TGFBRAP1: variants seen among roughly 807,000 people sequenced by gnomAD.
TGFBRAP1 encodes transforming growth factor beta receptor associated protein 1.
A neutral mutation model predicts 83.2 loss-of-function variants in TGFBRAP1; 20 were observed. The ratio of observed to expected loss-of-function variants is 0.24; its 90% CI spans 0.17 to 0.35. The LOEUF (loss-of-function observed/expected upper bound fraction) is 0.35. TGFBRAP1 is among the 10% of genes least tolerant of loss of function. The pLI, the probability that TGFBRAP1 is intolerant of heterozygous loss-of-function variation, is 1.00. For missense variants in TGFBRAP1, 950 were observed against 1,099.4 expected, an observed-to-expected ratio of 0.86 and a Z score of 1.92; for synonymous variants, 415 against 459.8, an observed-to-expected ratio of 0.90 and a Z score of 1.25.
At chr2:105,273,767 A>G (rs1558629474) in intron 8 of TGFBRAP1, 77 bp from the exon 9 acceptor site, 5 of 1,535,608 alleles carry the variant, frequency 3.3e-6, no homozygotes, top group Admixed American at 2.1e-5. Flanking sequence ...GTCATTGCAC[A>G]TTCAAGCTTT....
At chr2:105,258,314 A>C in the TGFBRAP1 span, among the ~76,000 whole-genome samples, 1 of 152,166 alleles carries the variant, frequency 6.6e-6, no homozygotes, top group South Asian at 2.1e-4. Flanking sequence ...TGCCCAGATT[A>C]AACATTCTTT....
At chr2:105,316,462 TGCGCGC>T (rs764527678) in intron 1 of TGFBRAP1, among the ~76,000 whole-genome samples, 10,057 of 83,654 alleles carry the variant, frequency 0.12, 519 homozygotes, top group Middle Eastern at 0.15. Flanking sequence ...TGTGTGTGTG[TGCGCGC>T]GCGCGCGCGC....
Position 105,308,318 on chromosome 2 carries a change from G to C in TGFBRAP1, c.-17C>G. 6.3e-7 allele frequency: 1 copy of C among 1,586,738 alleles called. No individual in the cohort carries two copies. The highest frequency in any genetic ancestry group is 1.1e-5 in the South Asian group (1 of 89,184). On this transcript the variant is annotated splice_region_variant and 5_prime_UTR_variant, in exon 2 of 12. Transcript: ENST00000393359. ...GCTCATCATGTCTACTGGCTGATCT[G>C]CTGGAAGAGAAAGAGGAAAACTAAT...
chr2:105,288,159 A>AT (rs535792306), intron 4 of TGFBRAP1, among the ~76,000 whole-genome samples: 164 of 152,346 alleles, frequency 1.1e-3, no homozygotes, highest in African/African-American at 3.7e-3. Flanking sequence ...TATAGTAAGA[A>AT]TTTTTTGAGA....
At chr2:105,261,499 C>T (rs1676785156), downstream of TGFBRAP1, among the ~76,000 whole-genome samples, 1 of 152,206 alleles carries the variant, frequency 6.6e-6, no homozygotes, top group African/African-American at 2.4e-5. Context: ...AGCCTGTAAT[C>T]TCAGCACTTT....
Position 105,269,114 on chromosome 2 carries a change from C to A in TGFBRAP1, c.2406+158G>T, listed in dbSNP as rs147500095. Among the ~76,000 whole-genome samples the A allele has an allele frequency of 1.6e-4, 25 of 152,346 alleles. No homozygotes were observed. In the East Asian group the frequency reaches 4.8e-3, roughly 29 times the overall value. ...AGCCCAGCCTCTGCCTCTGCTCACA[C>A]AGACCTCAGTTTCTATGAGTAGGAT... On this transcript the variant is annotated intron_variant, in intron 11 of 11. Transcript: ENST00000393359. The surrounding 1 kb of genome is among the most constrained non-coding windows in gnomAD (Gnocchi z 4.1).
At chr2:105,263,855 C>T (rs1676843827), downstream of TGFBRAP1, among the ~76,000 whole-genome samples, 2 of 152,128 alleles carry the variant, frequency 1.3e-5, no homozygotes, top group Admixed American at 1.3e-4. Context: ...CATTGCACTC[C>T]AGCATAGGCA....
intron 4 of TGFBRAP1, among the ~76,000 whole-genome samples, 178 bp downstream of exon 4, chr2:105,296,178 G>A (rs10496391): frequency 0.019 from 2,953 of 151,708 alleles, 99 homozygotes; most frequent in African/African-American, 0.067. Context: ...CTGTTTGACC[G>A]CCCTAAAGCC....
intron 4 of TGFBRAP1, among the ~76,000 whole-genome samples, chr2:105,289,949 C>G (rs1677849073): frequency 1.3e-5 from 2 of 152,252 alleles, no homozygotes; most frequent in Admixed American, 1.3e-4. Flanking sequence ...TATTATCAAA[C>G]TCTCTGATCT....
chr2:105,305,019 GTCATTAC>G (rs1206895568), intron 2 of TGFBRAP1, among the ~76,000 whole-genome samples: 1 of 152,178 alleles, frequency 6.6e-6, no homozygotes, highest in Admixed American at 6.5e-5. Context: ...GCGGATTCAT[GTCATTAC>G]ACATAACACA....
At position 105,306,545 on chromosome 2, in the gene TGFBRAP1, C is replaced by T. The variant is rs561556871; in HGVS notation, c.688+1069G>A. Reference sequence around the variant, plus strand: ...AGGCATGGTGGCTGATGCTTGTAATCCCAGCACTTTGGGAGGCCGAGGTGG... The same window carrying T: ...AGGCATGGTGGCTGATGCTTGTAATTCCAGCACTTTGGGAGGCCGAGGTGG... On this transcript the variant is annotated intron_variant, in intron 2 of 11. Coordinates refer to ENST00000393359, the MANE Select transcript of TGFBRAP1 (RefSeq NM_004257.6). Among the ~76,000 whole-genome samples, 5 of 152,176 alleles carry T rather than the reference C, an allele frequency of 3.3e-5. No homozygotes were observed. In the East Asian group the frequency reaches 9.7e-4, roughly 30 times the overall value.
chr2:105,277,769 A>G (rs1677398538), intron 6 of TGFBRAP1, 98 bp from the exon 7 acceptor site: 2 of 1,162,506 alleles, frequency 1.7e-6, no homozygotes, highest in South Asian at 2.5e-5. Context: ...CCCATATTCT[A>G]TTCAACTCGA....
At chr2:105,294,156 C>A (rs905745914) in intron 4 of TGFBRAP1, among the ~76,000 whole-genome samples, 2 of 152,128 alleles carry the variant, frequency 1.3e-5, no homozygotes, top group African/African-American at 2.4e-5. Context: ...CAGTCATTAC[C>A]GAATTCTTTT....
downstream of TGFBRAP1, among the ~76,000 whole-genome samples, chr2:105,261,671 G>C (rs1385213351): frequency 6.6e-6 from 1 of 152,108 alleles, no homozygotes; most frequent in African/African-American, 2.4e-5. Context: ...AGAATCGCTT[G>C]AACCCGGGAG....
chr2:105,277,737 G>A, intron 6 of TGFBRAP1, 66 bp from the exon 7 acceptor site: 5 of 1,423,854 alleles, frequency 3.5e-6, no homozygotes, highest in East Asian at 2.3e-5. Context: ...CCTTCACACA[G>A]TGACACCCCC....
At chr2:105,328,607 G>A (rs1023040613) in intron 1 of TGFBRAP1, among the ~76,000 whole-genome samples, 3 of 152,172 alleles carry the variant, frequency 2.0e-5, no homozygotes, top group African/African-American at 7.2e-5. Context: ...ACACAACGCA[G>A]TAGGATCTTC....
chr2:105,269,606 T>C lies in TGFBRAP1; in HGVS notation c.2072A>G (p.Gln691Arg), dbSNP rs1277165648. The C allele has an allele frequency of 6.2e-7, 1 of 1,608,416 alleles. No individual in the cohort carries two copies. Among genetic ancestry groups the C allele is most frequent in the Non-Finnish European group, 8.5e-7 (1 of 1,176,568 alleles). ...KALHILVHEL[Q>R]DFAAAEDYCL... ...GTAGTCCTCGGCCGCTGCAAAGTCCTGCAGCTCGTGCACCAGGATATGCAG... is the reference window on the plus strand; with the variant it reads ...GTAGTCCTCGGCCGCTGCAAAGTCCCGCAGCTCGTGCACCAGGATATGCAG... Residue 691 changes from glutamine (Q) to arginine (R), a missense_variant, in exon 11 of 12, where the codon CAG becomes CGG. Coordinates refer to ENST00000393359, the MANE Select transcript of TGFBRAP1 (RefSeq NM_004257.6). The surrounding 1 kb of genome is among the most constrained non-coding windows in gnomAD (Gnocchi z 4.1).
chr2:105,275,644 T>C lies in TGFBRAP1; in HGVS notation c.1581A>G (p.Glu527=), dbSNP rs1270445579. 6.2e-7 allele frequency: 1 copy of C among 1,614,038 alleles called. No individual in the cohort carries two copies. Among genetic ancestry groups the C allele is most frequent in the Non-Finnish European group, 8.5e-7 (1 of 1,180,050 alleles). Residue 527 remains glutamate (E), a synonymous_variant, in exon 8 of 12, where the codon GAA becomes GAG. Coordinates refer to ENST00000393359, the MANE Select transcript of TGFBRAP1 (RefSeq NM_004257.6). ...AGTAGGTAAGAAAATCCACGATGTA[T>C]TCATACAGGTCTGAGCGTGTGGAGT... is the stretch of plus-strand genomic sequence containing the variant. ...VQDSTRSDLY[E]YIVDFLTYCL... is the part of the protein sequence containing the mutation.
In TGFBRAP1 at chr2:105,308,201, C is replaced by T. The variant is rs769359067; in HGVS notation, c.101G>A (p.Gly34Asp). Reference sequence around the variant, plus strand: ...GTTGGTGCCCACGTAGAGGTCCCTGCCGCAGCACTCCACGCACTCTATGTT... The same window carrying T: ...GTTGGTGCCCACGTAGAGGTCCCTGTCGCAGCACTCCACGCACTCTATGTT... ...RVNIECVECC[G>D]RDLYVGTNDC... The change falls in exon 2 of 12, where the codon GGC (glycine) becomes GAC (aspartate). Residue 34 changes from glycine (G) to aspartate (D), a missense_variant. Transcript: ENST00000393359. 2.5e-6 allele frequency: 4 copies of T among 1,614,106 alleles called. No homozygotes were observed. The African/African-American group carries it at 5.3e-5, about 22-fold the overall frequency.
Sources: allele counts gnomAD v4.1 joint callset (sites outside exome capture counted in the v4.1 genomes callset), GRCh38; gene constraint gnomAD v4.1.1; non-coding constraint Gnocchi (gnomAD v3.1); transcripts MANE v1.5; gene names NCBI Gene and HGNC (gene_info 2026-07-23, HGNC 2026-07-21).